REPS1: variants seen among roughly 807,000 people sequenced by gnomAD.
The protein encoded by REPS1 is ralBP1-associated Eps domain-containing protein 1.
Under a neutral mutation model 100.9 loss-of-function variants are expected in REPS1, and 39 were observed. That is an observed-to-expected ratio of 0.39 (90% CI 0.30 to 0.50). REPS1 has a LOEUF of 0.50. REPS1 is among the 20% of genes least tolerant of loss of function. The pLI, the probability that REPS1 is intolerant of heterozygous loss-of-function variation, is 0.86. For synonymous variants in REPS1, 324 were observed against 340.3 expected, an observed-to-expected ratio of 0.95 and a Z score of 0.53; for missense variants, 821 against 968.5, an observed-to-expected ratio of 0.85 and a Z score of 2.02.
intron 16 of REPS1, among the ~76,000 whole-genome samples, chr6:138,912,044 C>T (rs1390311136): frequency 6.6e-6 from 1 of 152,096 alleles, no homozygotes; most frequent in Non-Finnish European, 1.5e-5. Flanking sequence ...CTAGATGCAG[C>T]CCAGTCCCCT....
intron 1 of REPS1, among the ~76,000 whole-genome samples, chr6:138,969,979 T>C (rs1784245861): frequency 6.7e-6 from 1 of 149,524 alleles, no homozygotes; most frequent in Admixed American, 6.8e-5. Context: ...AGTAGGTCAA[T>C]GCAAGGACTG....
rs553499885 is a variant in REPS1, at chr6:138,905,084, G to T, written c.2371C>A (p.Arg791=). 3.7e-6 allele frequency: 6 copies of T among 1,613,842 alleles called. No homozygotes were observed. In the African/African-American group the frequency reaches 4.0e-5, roughly 11 times the overall value. ...TTGGCTTATAGGTGAGAGAATGGTC[G>T]AAGTTGTTCCAGTTGAACTTCCAGG... ...ISLEVQLEQL[R]PFSHL The change falls in exon 20 of 20, where the codon CGA becomes AGA. Residue 791 remains arginine, a synonymous_variant. Coordinates refer to ENST00000450536, the MANE Select transcript of REPS1 (RefSeq NM_001286611.2).
chr6:138,956,261 A>G (rs1014372009), intron 1 of REPS1, among the ~76,000 whole-genome samples: 9 of 152,134 alleles, frequency 5.9e-5, no homozygotes, highest in African/African-American at 1.7e-4. Context: ...AATTTTTGCA[A>G]TTAGAAAACA....
intron 1 of REPS1, among the ~76,000 whole-genome samples, chr6:138,964,162 C>A (rs184411876): frequency 1.3e-5 from 2 of 152,112 alleles, no homozygotes; most frequent in Non-Finnish European, 2.9e-5. Context: ...TTCTTTCCTA[C>A]CTGCCATGAT....
intron 17 of REPS1, 106 bp downstream of exon 17, chr6:138,911,170 A>G: frequency 1.4e-6 from 1 of 727,538 alleles, no homozygotes. Flanking sequence ...CTACAGTTAA[A>G]GGCAGAGAAA....
chr6:138,919,829 C>A (rs1372602676), intron 12 of REPS1, among the ~76,000 whole-genome samples: 1 of 151,808 alleles, frequency 6.6e-6, no homozygotes, highest in African/African-American at 2.4e-5. Flanking sequence ...ATCTCCCTTA[C>A]AGAATGTAAA....
chr6:138,973,669 T>C (rs1428574150), intron 1 of REPS1, among the ~76,000 whole-genome samples: 1 of 151,904 alleles, frequency 6.6e-6, no homozygotes, highest in Non-Finnish European at 1.5e-5. Flanking sequence ...AATGACTTAC[T>C]AGCTGTGTAA....
chr6:138,942,935 A>C (rs1177945501), intron 7 of REPS1, among the ~76,000 whole-genome samples: 1 of 152,012 alleles, frequency 6.6e-6, no homozygotes, highest in Non-Finnish European at 1.5e-5. Context: ...TTCTGTAGAG[A>C]CAGGGTTTCA....
chr6:138,925,063 A>G (rs1278385057), intron 10 of REPS1, among the ~76,000 whole-genome samples: 6 of 152,114 alleles, frequency 3.9e-5, no homozygotes, highest in African/African-American at 1.4e-4. Context: ...AAAAGACATC[A>G]GGCCAGGTGT....
chr6:138,934,920 T>C (rs1283539019), intron 8 of REPS1, among the ~76,000 whole-genome samples: 2 of 152,330 alleles, frequency 1.3e-5, no homozygotes, highest in East Asian at 3.9e-4. Context: ...TCATGACTTT[T>C]ACGTCTTCAA....
Position 138,917,753 on chromosome 6 carries a change from A to C in REPS1, c.1529-126T>G, listed in dbSNP as rs542701842. 72 of 699,028 alleles carry C rather than the reference A, an allele frequency of 1.0e-4. 2 individuals carry two copies. In the South Asian group the frequency reaches 1.3e-3, roughly 12 times the overall value. 43.3% of individuals were successfully genotyped at this position (699,028 alleles called of 1,614,324 possible). ...ATAGTCAAAGATTGGCTAATAGGCT[A>C]ACAGTTCATCCTAGTGTTATTAACT... On this transcript the variant is annotated intron_variant, in intron 12 of 19. Coordinates refer to ENST00000450536, the MANE Select transcript of REPS1 (RefSeq NM_001286611.2).
rs536876401 is a variant in REPS1 at position 138,988,059 on chromosome 6, C to G, written c.-377G>C. 23 of 397,814 alleles carry G rather than the reference C, an allele frequency of 5.8e-5. No homozygotes were observed. The East Asian group carries it at 8.2e-4, about 14-fold the overall frequency. The allele number at this position is 397,814 out of a possible 1,614,324, so 24.6% of individuals were successfully genotyped here. On this transcript the variant is annotated 5_prime_UTR_variant, in exon 1 of 20. Coordinates refer to ENST00000450536, the MANE Select transcript of REPS1 (RefSeq NM_001286611.2). ...GGTTCGAGTCTCCCCGGCTCCCTGC[C>G]GATTCCCCCAGACTTCCCGCCTCGG...
intron 8 of REPS1, among the ~76,000 whole-genome samples, chr6:138,937,896 A>G (rs984478727): frequency 1.3e-5 from 2 of 152,208 alleles, no homozygotes; most frequent in Non-Finnish European, 2.9e-5. Context: ...TATGTATCAA[A>G]CAACCACAGA....
At chr6:138,938,810 C>T (rs1782038164) in intron 8 of REPS1, among the ~76,000 whole-genome samples, 1 of 151,852 alleles carries the variant, frequency 6.6e-6, no homozygotes, top group South Asian at 2.1e-4. Context: ...GAGTATTATC[C>T]TCTTAACCGT....
rs1779822158 is a variant in REPS1 at position 138,908,739 on chromosome 6, T to G, written c.2145A>C (p.Pro715=). ...RRLKSEDELR[P]EVDEHTQKTG... is the part of the protein sequence containing the mutation. Reference sequence around the variant, plus strand: ...TCTTTTGTGTATGTTCATCAACTTCTGGCCTTAATTCATCTTCTGATTTTA... The same window carrying G: ...TCTTTTGTGTATGTTCATCAACTTCGGGCCTTAATTCATCTTCTGATTTTA... Residue 715 remains proline, a synonymous_variant, in exon 18 of 20, where the codon CCA becomes CCC. Transcript: ENST00000450536. 6.2e-6 allele frequency: 10 copies of G among 1,614,244 alleles called. No homozygotes were observed. Among genetic ancestry groups the G allele is most frequent in the Non-Finnish European group, 8.5e-6 (10 of 1,180,028 alleles).
chr6:138,925,827 CT>C (rs1781082344), intron 10 of REPS1, among the ~76,000 whole-genome samples: 1 of 152,156 alleles, frequency 6.6e-6, no homozygotes, highest in Non-Finnish European at 1.5e-5. Context: ...AGGATATGAA[CT>C]TTGTAGCATT....
chr6:138,926,389 T>C lies in REPS1; in HGVS notation c.1338+12A>G. 1 of 1,592,122 alleles carries C rather than the reference T, an allele frequency of 6.3e-7. No homozygotes were observed. The highest frequency in any genetic ancestry group is 8.6e-7 in the Non-Finnish European group (1 of 1,161,104). On this transcript the variant is annotated intron_variant, in intron 10 of 19. Transcript: ENST00000450536. ...ATTAATCTCAAACAAGCAAGCTAAG[T>C]GATTGACTTACAGGATCAGCTGGTG...
intron 1 of REPS1, among the ~76,000 whole-genome samples, chr6:138,971,923 T>C (rs997412112): frequency 3.3e-5 from 5 of 152,200 alleles, no homozygotes; most frequent in Admixed American, 1.3e-4. Flanking sequence ...TGGCTTGCCC[T>C]AAAAAGCTGC....
chr6:138,949,075 T>C (rs1402371241), intron 1 of REPS1, among the ~76,000 whole-genome samples: 2 of 152,218 alleles, frequency 1.3e-5, no homozygotes, highest in African/African-American at 4.8e-5. Flanking sequence ...GGCAAGGTCA[T>C]GCAGCCCCAA....
Sources: allele counts gnomAD v4.1 joint callset (sites outside exome capture counted in the v4.1 genomes callset), GRCh38; gene constraint gnomAD v4.1.1; transcripts MANE v1.5; gene names NCBI Gene and HGNC (gene_info 2026-07-23, HGNC 2026-07-21).